Variants in GRM5 observed in about 807,000 individuals in gnomAD.
GRM5 encodes the protein metabotropic glutamate receptor 5.
GRM5 carries 19 observed loss-of-function variants against 83.1 expected under a neutral mutation model. That is an observed-to-expected ratio of 0.23 (90% CI 0.16 to 0.34). The LOEUF is 0.34. Among genes scored for constraint, GRM5 ranks in the 10% least tolerant of loss-of-function variants. GRM5 has a pLI of 1.00. For missense variants in GRM5, 1,160 were observed against 1,588.3 expected (o/e 0.73, Z 4.58); for synonymous variants, 675 against 633.6 (o/e 1.07, Z -0.98).
chr11:88,722,453 AG>A (rs757328603), intron 3 of GRM5, among the ~76,000 whole-genome samples: 1 of 152,256 alleles, frequency 6.6e-6, no homozygotes, highest in Non-Finnish European at 1.5e-5. Flanking sequence ...CGGAAGTGAG[AG>A]GAATTACTTT....
intron 3 of GRM5, among the ~76,000 whole-genome samples, chr11:88,838,898 CACACACAT>C (rs1249801030): frequency 1.7e-4 from 26 of 151,682 alleles, no homozygotes; most frequent in African/African-American, 5.6e-4. Context: ...CACACACACA[CACACACAT>C]ACACACACAA....
intron 3 of GRM5, among the ~76,000 whole-genome samples, chr11:88,736,321 T>C (rs1053242871): frequency 5.3e-5 from 8 of 152,090 alleles, no homozygotes; most frequent in African/African-American, 1.9e-4. Context: ...TGTGTTTTAA[T>C]GTGCAAATTG....
intron 4 of GRM5, among the ~76,000 whole-genome samples, chr11:88,638,320 A>G (rs1056820760): frequency 6.6e-6 from 1 of 152,110 alleles, no homozygotes; most frequent in Non-Finnish European, 1.5e-5. Context: ...ATAAAATTTA[A>G]AAAAAGGTAT....
chr11:88,894,619 G>C (rs1945201432), intron 2 of GRM5, among the ~76,000 whole-genome samples: 1 of 152,002 alleles, frequency 6.6e-6, no homozygotes, highest in Non-Finnish European at 1.5e-5. Flanking sequence ...CTTGAACTTG[G>C]AACTTAATGG....
intron 3 of GRM5, among the ~76,000 whole-genome samples, chr11:88,843,613 C>T (rs1244924799): frequency 2.6e-5 from 4 of 152,074 alleles, no homozygotes; most frequent in Admixed American, 6.6e-5. Context: ...TGGCTAAATG[C>T]TCAAGTGAAA....
At chr11:88,978,464 C>G (rs1209051841) in intron 2 of GRM5, among the ~76,000 whole-genome samples, 2 of 93,972 alleles carry the variant, frequency 2.1e-5, no homozygotes, top group African/African-American at 7.9e-5. Context: ...TTAACAACAG[C>G]AGATGAGCTT....
rs577893179 is a variant in GRM5, at chr11:88,507,309, T to C, written c.*1283A>G. ...TGGTTAATATTCATTAAGGTTCCTC[T>C]TTTTTAGTATTTTGTATTGCTTTGA... On this transcript the variant is annotated 3_prime_UTR_variant, in exon 10 of 10. Transcript: ENST00000305447. The C allele has an allele frequency of 1.3e-5, 2 of 152,350 alleles. No homozygotes were observed. The highest frequency in any genetic ancestry group is 3.9e-4 in the East Asian group (2 of 5,190). 9.4% of individuals were successfully genotyped at this position (152,350 alleles called of 1,614,324 possible).
In GRM5 at chr11:89,009,929, A is replaced by AAAAAAAAAAAAAAAAAAC. The variant is rs752780249; in HGVS notation, c.661+37282_661+37283insGTTTTTTTTTTTTTTTTT. 8.8e-5 allele frequency among the ~76,000 whole-genome samples: 9 copies of AAAAAAAAAAAAAAAAAAC among 102,388 alleles called. 2 individuals carry two copies. The highest frequency in any genetic ancestry group is 1.9e-4 in the African/African-American group (6 of 30,958). 67.2% of individuals were successfully genotyped at this position (102,388 alleles called of 152,430 possible). On this transcript the variant is annotated intron_variant, in intron 2 of 9. Transcript: ENST00000305447. ...AAAAAAAAAAAAAAAAAAAAAAAAAAACACACACAAAATCAAAATGTTTAC... is the reference window on the plus strand; with the variant it reads ...AAAAAAAAAAAAAAAAAAAAAAAAAAAAAAAAAAAAAAAAAAACACACACACAAAATCAAAATGTTTAC...
At chr11:88,830,648 C>T (rs1421279624) in intron 3 of GRM5, among the ~76,000 whole-genome samples, 2 of 152,164 alleles carry the variant, frequency 1.3e-5, no homozygotes, top group African/African-American at 4.8e-5. Flanking sequence ...TTGCCAGAGC[C>T]GTTCTACCCA....
At chr11:88,531,290 C>T (rs1358314473) in intron 8 of GRM5, among the ~76,000 whole-genome samples, 1 of 151,838 alleles carries the variant, frequency 6.6e-6, no homozygotes, top group African/African-American at 2.4e-5. Flanking sequence ...AAGAAAACAA[C>T]AGTAAATGGA....
chr11:89,043,140 T>C (rs1280666100), intron 2 of GRM5, among the ~76,000 whole-genome samples: 2 of 152,114 alleles, frequency 1.3e-5, no homozygotes, highest in African/African-American at 2.4e-5. Flanking sequence ...ACATACTATA[T>C]AGTCATAAAT....
intron 3 of GRM5, among the ~76,000 whole-genome samples, chr11:88,734,194 A>G (rs185113119): frequency 6.6e-6 from 1 of 152,162 alleles, no homozygotes; most frequent in Admixed American, 6.6e-5. Context: ...GCAAATAAAC[A>G]TTTCTCCAAA....
intron 4 of GRM5, among the ~76,000 whole-genome samples, chr11:88,649,055 TAA>T (rs1939549640): frequency 6.9e-6 from 1 of 145,300 alleles, no homozygotes; most frequent in African/African-American, 2.5e-5. Context: ...ACATAATATA[TAA>T]TATATATATT....
chr11:88,975,624 A>C (rs1029788501), intron 2 of GRM5, among the ~76,000 whole-genome samples: 1 of 152,218 alleles, frequency 6.6e-6, no homozygotes, highest in African/African-American at 2.4e-5. Flanking sequence ...ATGGAAATGT[A>C]AAATCCTAGG....
intron 3 of GRM5, among the ~76,000 whole-genome samples, chr11:88,690,404 T>C (rs1480068906): frequency 6.6e-6 from 1 of 152,146 alleles, no homozygotes; most frequent in African/African-American, 2.4e-5. Flanking sequence ...AAAAAGGTAA[T>C]ATCATGAAAT....
chr11:88,570,481 C>CAT (rs1942964761), intron 7 of GRM5, among the ~76,000 whole-genome samples: 2 of 145,002 alleles, frequency 1.4e-5, no homozygotes. Context: ...TTTAGTATGC[C>CAT]ATAGAGTTTA....
chr11:88,633,951 A>G (rs1939050710), intron 4 of GRM5, among the ~76,000 whole-genome samples: 1 of 152,204 alleles, frequency 6.6e-6, no homozygotes. Context: ...TGCACAACCT[A>G]CTAAATACAT....
At chr11:88,843,301 TG>T (rs1944236767) in intron 3 of GRM5, among the ~76,000 whole-genome samples, 1 of 152,180 alleles carries the variant, frequency 6.6e-6, no homozygotes, top group Non-Finnish European at 1.5e-5. Flanking sequence ...ACATGATAAT[TG>T]TACACATTTA....
At chr11:88,728,079 G>A (rs1941722913) in intron 3 of GRM5, among the ~76,000 whole-genome samples, 1 of 151,976 alleles carries the variant, frequency 6.6e-6, no homozygotes, top group African/African-American at 2.4e-5. Context: ...AAAAATCAGC[G>A]AATCCAGGAG....
Sources: allele counts gnomAD v4.1 joint callset (sites outside exome capture counted in the v4.1 genomes callset), GRCh38; gene constraint gnomAD v4.1.1; transcripts MANE v1.5; gene names NCBI Gene and HGNC (gene_info 2026-07-23, HGNC 2026-07-21).